FAM151B: variants seen among roughly 807,000 people sequenced by gnomAD.
The protein encoded by FAM151B is family with sequence similarity 151 member B, also known as protein FAM151B.
A neutral mutation model predicts 31.2 loss-of-function variants in FAM151B; 24 were observed. That is an observed-to-expected ratio of 0.77 (90% confidence interval 0.56 to 1.08). The LOEUF is 1.08. FAM151B is among the 50% of genes least tolerant of loss of function. The pLI is 0.00. For synonymous variants in FAM151B, 105 were observed against 111.4 expected (o/e 0.94, Z 0.36); for missense variants, 293 against 328.6 (o/e 0.89, Z 0.84).
intron 5 of FAM151B, among the ~76,000 whole-genome samples, chr5:80,535,417 A>G (rs1296937821): frequency 6.6e-6 from 1 of 152,226 alleles, no homozygotes; most frequent in East Asian, 1.9e-4. Context: ...GGCCAATGGG[A>G]CAGAATTGAG....
intron 1 of FAM151B, among the ~76,000 whole-genome samples, chr5:80,495,778 C>T (rs929474120): frequency 7.8e-5 from 10 of 127,550 alleles, no homozygotes; most frequent in Admixed American, 2.1e-4. Flanking sequence ...TGCGGTAAGC[C>T]GAGATGCGCC....
chr5:80,540,981 T>C (rs1580467679), intron 5 of FAM151B, among the ~76,000 whole-genome samples: 1 of 152,368 alleles, frequency 6.6e-6, no homozygotes, highest in Middle Eastern at 3.4e-3. Flanking sequence ...TGAAACTGCT[T>C]AACAGCTTTG....
At chr5:80,494,443 T>TTCTC (rs1235465642) in intron 1 of FAM151B, among the ~76,000 whole-genome samples, 4 of 84,390 alleles carry the variant, frequency 4.7e-5, no homozygotes, top group Admixed American at 1.5e-4. Flanking sequence ...CTTTCTTTCT[T>TTCTC]TTTCTTTCTT....
At chr5:80,516,239 A>G (rs1744440693) in intron 3 of FAM151B, among the ~76,000 whole-genome samples, 1 of 152,114 alleles carries the variant, frequency 6.6e-6, no homozygotes, top group African/African-American at 2.4e-5. Flanking sequence ...CAGGAGAATC[A>G]CTTGGACCCG....
intron 5 of FAM151B, among the ~76,000 whole-genome samples, chr5:80,535,775 G>A (rs888513499): frequency 1.2e-4 from 19 of 152,118 alleles, no homozygotes; most frequent in African/African-American, 4.3e-4. Context: ...GTACAGCAAA[G>A]GAAATGGTCA....
chr5:80,488,718 G>A (rs1379222950), intron 1 of FAM151B, among the ~76,000 whole-genome samples: 1 of 152,174 alleles, frequency 6.6e-6, no homozygotes, highest in African/African-American at 2.4e-5. Flanking sequence ...TCAGTGACGC[G>A]TTCTTTCTTC....
chr5:80,519,911 G>C lies in FAM151B; in HGVS notation c.535+1G>C. 1 of 1,610,784 alleles carries C rather than the reference G, an allele frequency of 6.2e-7. No individual in the cohort carries two copies. Among genetic ancestry groups the C allele is most frequent in the Non-Finnish European group, 8.5e-7 (1 of 1,177,346 alleles). On this transcript the variant is annotated splice_donor_variant, in intron 4 of 5. Transcript: ENST00000282226. LOFTEE classifies it high-confidence loss of function. ...TGGCATCCTGAGAAAGTCAATGAAG[G>C]TAATAATTCTAATAATGTATTTCTT...
rs1352473274 is a variant in FAM151B at position 80,542,331 on chromosome 5, C to G, written c.*499C>G. On this transcript the variant is annotated 3_prime_UTR_variant, in exon 6 of 6. Coordinates refer to ENST00000282226, the MANE Select transcript of FAM151B (RefSeq NM_205548.3). ...CATATCAAGATCTATTAATCCATTT[C>G]CTGAAACTGTAGATTAAATTAGATA... 1 of 152,552 alleles carries G rather than the reference C, an allele frequency of 6.6e-6. No individual in the cohort carries two copies. The highest frequency in any genetic ancestry group is 1.5e-5 in the Non-Finnish European group (1 of 68,404). The allele number at this position is 152,552 out of a possible 1,614,324, so 9.4% of individuals were successfully genotyped here.
intron 5 of FAM151B, among the ~76,000 whole-genome samples, chr5:80,533,695 A>G (rs1025778154): frequency 2.8e-5 from 4 of 140,590 alleles, no homozygotes; most frequent in Admixed American, 2.3e-4. Flanking sequence ...GATTGCAGTG[A>G]GCCGAGATCA....
chr5:80,503,889 C>T (rs1429407053), intron 2 of FAM151B, among the ~76,000 whole-genome samples: 18 of 152,036 alleles, frequency 1.2e-4, no homozygotes, highest in Non-Finnish European at 2.4e-4. Context: ...TTATATGAGA[C>T]TATTAGAACC....
At chr5:80,496,729 C>A in intron 1 of FAM151B, among the ~76,000 whole-genome samples, 1 of 149,436 alleles carries the variant, frequency 6.7e-6, no homozygotes, top group African/African-American at 2.5e-5. Context: ...TTTAAATTAC[C>A]AAAACAGCCA....
chr5:80,524,463 C>T (rs1264671814), intron 5 of FAM151B, among the ~76,000 whole-genome samples: 1 of 152,002 alleles, frequency 6.6e-6, no homozygotes, highest in Non-Finnish European at 1.5e-5. Context: ...TTCATCTACT[C>T]GTTATTTTTT....
At chr5:80,539,974 G>A (rs1004863941) in intron 5 of FAM151B, among the ~76,000 whole-genome samples, 1 of 151,916 alleles carries the variant, frequency 6.6e-6, no homozygotes, top group Non-Finnish European at 1.5e-5. Flanking sequence ...TTTTCTGCAT[G>A]AGCCTCATTA....
intron 5 of FAM151B, among the ~76,000 whole-genome samples, chr5:80,534,522 T>A: frequency 6.6e-6 from 1 of 152,324 alleles, no homozygotes. Flanking sequence ...ATCATTTCAA[T>A]TGATGCTGAA....
At chr5:80,493,279 G>A (rs1156337513) in intron 1 of FAM151B, among the ~76,000 whole-genome samples, 4 of 152,158 alleles carry the variant, frequency 2.6e-5, no homozygotes, top group South Asian at 2.1e-4. Flanking sequence ...CTTATGCCTG[G>A]CTTTACTTTA....
chr5:80,538,862 T>C (rs1231850911), intron 5 of FAM151B, among the ~76,000 whole-genome samples: 1 of 152,022 alleles, frequency 6.6e-6, no homozygotes. Flanking sequence ...CCTCCCAAAC[T>C]GCTGGGATTA....
In FAM151B at chr5:80,519,680, A is replaced by G. The variant is rs909633371; in HGVS notation, c.318-13A>G. The G allele has an allele frequency of 2.5e-6, 4 of 1,609,914 alleles. No individual in the cohort carries two copies. The Admixed American group carries it at 6.7e-5, about 27-fold the overall frequency. ...AAAGAATCTATCTCATTGACAACAA[A>G]TTATGTTTTTAGTCTGGCAGTTGTA... On this transcript the variant is annotated splice_polypyrimidine_tract_variant and intron_variant, in intron 3 of 5. Transcript: ENST00000282226.
chr5:80,539,226 ATT>A (rs1485219585), intron 5 of FAM151B, among the ~76,000 whole-genome samples: 3 of 151,616 alleles, frequency 2.0e-5, no homozygotes, highest in Non-Finnish European at 2.9e-5. Context: ...CTCTTAAGAT[ATT>A]TTTGTCTATT....
chr5:80,532,718 G>A (rs1413601952), intron 5 of FAM151B, among the ~76,000 whole-genome samples: 1 of 152,038 alleles, frequency 6.6e-6, no homozygotes, highest in South Asian at 2.1e-4. Flanking sequence ...CTCAACACAT[G>A]GATCATTCTC....
Sources: allele counts gnomAD v4.1 joint callset (sites outside exome capture counted in the v4.1 genomes callset), GRCh38; gene constraint gnomAD v4.1.1; transcripts MANE v1.5; gene names NCBI Gene and HGNC (gene_info 2026-07-23, HGNC 2026-07-21).